The following FAM107A variants were observed in gnomAD, a reference collection of about 807,000 sequenced individuals.
The protein encoded by FAM107A is family with sequence similarity 107 member A.
Under a neutral mutation model 13.7 loss-of-function variants are expected in FAM107A, and 19 were observed. The ratio of observed to expected loss-of-function variants is 1.38; its 90% CI spans 0.97 to 2.03. FAM107A has a LOEUF of 2.03. FAM107A is among the 30% of genes most tolerant of loss of function. FAM107A has a pLI of 0.00. For synonymous variants in FAM107A, 82 were observed against 74.5 expected, an observed-to-expected ratio of 1.10 and a Z score of -0.52; for missense variants, 203 against 184.4, an observed-to-expected ratio of 1.10 and a Z score of -0.58.
At chr3:58,579,647 C>G (rs2065506686), upstream of FAM107A, among the ~76,000 whole-genome samples, 1 of 152,138 alleles carries the variant, frequency 6.6e-6, no homozygotes, top group Non-Finnish European at 1.5e-5. Context: ...TCAGATGAAC[C>G]AATCCCAGTG....
At chr3:58,597,362 C>T (rs2065716449) in intron 1 of FAM107A, among the ~76,000 whole-genome samples, 1 of 152,202 alleles carries the variant, frequency 6.6e-6, no homozygotes, top group African/African-American at 2.4e-5. Context: ...ATACACAATG[C>T]TTTGGATTGG....
intron 1 of FAM107A, among the ~76,000 whole-genome samples, chr3:58,612,907 G>C (rs974256887): frequency 6.6e-6 from 1 of 150,978 alleles, no homozygotes; most frequent in African/African-American, 2.5e-5. Context: ...TATTTTTATT[G>C]TGCCAGCAGC....
At chr3:58,584,171 CGAT>C (rs1277766157) in intron 1 of FAM107A, among the ~76,000 whole-genome samples, 1 of 152,094 alleles carries the variant, frequency 6.6e-6, no homozygotes, top group Non-Finnish European at 1.5e-5. Context: ...GCTTCACTCT[CGAT>C]GAGTTGTATG....
Position 58,566,577 on chromosome 3 carries a change from G to A in FAM107A, c.*11C>T, listed in dbSNP as rs540722477. Reference sequence around the variant, plus strand: ...CCAGGGTGGGCAGTGGCCTGAGCCCGGCAGCTGGCCCTACAGCTCTCTCTC... The same window carrying A: ...CCAGGGTGGGCAGTGGCCTGAGCCCAGCAGCTGGCCCTACAGCTCTCTCTC... On this transcript the variant is annotated 3_prime_UTR_variant, in exon 4 of 4. Transcript: ENST00000360997. The A allele has an allele frequency of 7.8e-5, 125 of 1,604,236 alleles. No individual in the cohort carries two copies. The South Asian group carries it at 1.0e-3, about 13-fold the overall frequency.
intron 1 of FAM107A, among the ~76,000 whole-genome samples, chr3:58,593,927 C>T (rs1430958073): frequency 2.0e-5 from 3 of 152,274 alleles, no homozygotes; most frequent in East Asian, 1.9e-4. Context: ...CCACACTTAT[C>T]CGCATCTACT....
intron 1 of FAM107A, among the ~76,000 whole-genome samples, chr3:58,610,973 T>C (rs982523882): frequency 6.6e-6 from 1 of 152,214 alleles, no homozygotes. Context: ...GATTGGATCA[T>C]GGGGGCTGTT....
chr3:58,566,505 G>A lies in FAM107A; in HGVS notation c.*83C>T. On this transcript the variant is annotated 3_prime_UTR_variant, in exon 4 of 4. Coordinates refer to ENST00000360997, the MANE Select transcript of FAM107A (RefSeq NM_001076778.3). Reference sequence around the variant, plus strand: ...AACATCACAGACGTCCCAGGGCCTGGGGCCCAGGGCTGCCAGGTACAGAAG... The same window carrying A: ...AACATCACAGACGTCCCAGGGCCTGAGGCCCAGGGCTGCCAGGTACAGAAG... 1.1e-6 allele frequency: 1 copy of A among 911,750 alleles called. No individual in the cohort carries two copies. The highest frequency in any genetic ancestry group is 1.8e-6 in the Non-Finnish European group (1 of 563,898). 56.5% of individuals were successfully genotyped at this position (911,750 alleles called of 1,614,324 possible).
Position 58,617,740 on chromosome 3 carries a change from C to A in FAM107A, c.-70+9676G>T, listed in dbSNP as rs986343811. On this transcript the variant is annotated intron_variant, in intron 1 of 3. Coordinates refer to the FAM107A transcript ENST00000465970. The surrounding 1 kb of genome is among the most constrained non-coding windows in gnomAD (Gnocchi z 4.5). ...AAATTAAATTCTCCTGAACTTTAGG[C>A]CCCTCTTCAGTGCTACTCCCAGGGG... 4.6e-5 allele frequency among the ~76,000 whole-genome samples: 7 copies of A among 152,184 alleles called. No homozygotes were observed. Among genetic ancestry groups the A allele is most frequent in the Non-Finnish European group, 8.8e-5 (6 of 68,034 alleles).
intron 1 of FAM107A, among the ~76,000 whole-genome samples, chr3:58,599,841 A>AT (rs1328150115): frequency 2.0e-5 from 3 of 149,414 alleles, no homozygotes; most frequent in Non-Finnish European, 4.5e-5. Context: ...CACCCAGCTA[A>AT]TTTTTTGCAT....
At chr3:58,623,479 C>T (rs1468339619) in intron 1 of FAM107A, among the ~76,000 whole-genome samples, 1 of 152,202 alleles carries the variant, frequency 6.6e-6, no homozygotes, top group African/African-American at 2.4e-5. Flanking sequence ...GACCACGTGC[C>T]ATTCCCTGAG....
At chr3:58,577,793 T>A (rs896224940), upstream of FAM107A, 6 of 876,636 alleles carry the variant, frequency 6.8e-6, no homozygotes, top group Non-Finnish European at 8.2e-6. This position sits in a 1 kb window ranked among gnomAD's most constrained non-coding sequence, Gnocchi z 4.9. Flanking sequence ...AGAAAATGGC[T>A]CTGGGGGGAA....
intron 1 of FAM107A, among the ~76,000 whole-genome samples, chr3:58,599,308 A>G (rs559067752): frequency 6.6e-6 from 1 of 152,310 alleles, no homozygotes; most frequent in African/African-American, 2.4e-5. Flanking sequence ...TTCTGTCCAC[A>G]TGGGTGAATA....
chr3:58,566,602 C>T lies in FAM107A; in HGVS notation c.421G>A (p.Glu141Lys). Reference sequence around the variant, plus strand: ...GGCAGCTGGCCCTACAGCTCTCTCTCTTCGCTGGTCAGTGTGGCAATTCTC... The same window carrying T: ...GGCAGCTGGCCCTACAGCTCTCTCTTTTCGCTGGTCAGTGTGGCAATTCTC... ...LRRIATLTSE[E>K]REL is the part of the protein sequence containing the mutation. Residue 141 changes from glutamate (E) to lysine (K), a missense_variant, in exon 4 of 4, where the codon GAG (glutamate) becomes AAG (lysine). By Grantham distance (56) the Glu-to-Lys change is moderately conservative. Coordinates refer to ENST00000360997, the MANE Select transcript of FAM107A (RefSeq NM_001076778.3). 1 of 1,613,382 alleles carries T rather than the reference C, an allele frequency of 6.2e-7. No homozygotes were observed. The highest frequency in any genetic ancestry group is 8.5e-7 in the Non-Finnish European group (1 of 1,179,648).
chr3:58,611,037 T>C (rs2065849181), intron 1 of FAM107A, among the ~76,000 whole-genome samples: 1 of 152,218 alleles, frequency 6.6e-6, no homozygotes, highest in African/African-American at 2.4e-5. Flanking sequence ...TCTGAGGGTT[T>C]TATTAGGGAC....
rs2063736753 is a variant in FAM107A at position 58,577,080 on chromosome 3, A to G, written c.-6+229T>C. ...ATCAACAAGAATGCAGGGCTATGCC[A>G]GGGGGCTCGCTTCTTTGTCTCCTAC... On this transcript the variant is annotated intron_variant, in intron 1 of 3. Transcript: ENST00000360997. The surrounding 1 kb of genome is among the most constrained non-coding windows in gnomAD (Gnocchi z 4.9). Among the ~76,000 whole-genome samples, 1 of 152,236 alleles carries G rather than the reference A, an allele frequency of 6.6e-6. No homozygotes were observed. Among genetic ancestry groups the G allele is most frequent in the Admixed American group, 6.5e-5 (1 of 15,286 alleles).
Position 58,624,719 on chromosome 3 carries a change from A to G in FAM107A, c.-70+2697T>C, listed in dbSNP as rs116338360. On this transcript the variant is annotated intron_variant, in intron 1 of 3. Coordinates refer to the FAM107A transcript ENST00000465970. ...TTCCCCAGGGGACAAAGGTGAGTTC[A>G]CCTAAAAGCAAAGTCCAGACCTTGC... Among the ~76,000 whole-genome samples the G allele has an allele frequency of 2.4e-3, 365 of 152,052 alleles. 1 individual carries two copies. The highest frequency in any genetic ancestry group is 8.2e-3 in the African/African-American group (339 of 41,466).
chr3:58,576,567 G>C (rs549945721), intron 1 of FAM107A, among the ~76,000 whole-genome samples: 1 of 152,356 alleles, frequency 6.6e-6, no homozygotes, highest in South Asian at 2.1e-4. Flanking sequence ...AGGCGTGGGG[G>C]CTGCCTTGAA....
intron 1 of FAM107A, among the ~76,000 whole-genome samples, chr3:58,616,572 CACT>C (rs1179396417): frequency 6.0e-4 from 90 of 150,078 alleles, no homozygotes; most frequent in Middle Eastern, 6.9e-3. Context: ...CACACACCAC[CACT>C]ACCACCACCA....
chr3:58,624,516 G>C (rs984771630), intron 1 of FAM107A, among the ~76,000 whole-genome samples: 2 of 152,076 alleles, frequency 1.3e-5, no homozygotes, highest in Non-Finnish European at 2.9e-5. Flanking sequence ...CTCCTCCTGG[G>C]GGGCCATTAC....
Sources: allele counts gnomAD v4.1 joint callset (sites outside exome capture counted in the v4.1 genomes callset), GRCh38; gene constraint gnomAD v4.1.1; non-coding constraint Gnocchi (gnomAD v3.1); transcripts MANE v1.5; gene names NCBI Gene and HGNC (gene_info 2026-07-23, HGNC 2026-07-21).